FAM120A: variants seen among roughly 807,000 people sequenced by gnomAD.
FAM120A encodes family with sequence similarity 120 member A.
Under a neutral mutation model 109.7 loss-of-function variants are expected in FAM120A, and 15 were observed. That is an observed-to-expected ratio of 0.14 (90% CI 0.09 to 0.21). The LOEUF (loss-of-function observed/expected upper bound fraction) is 0.21. Among genes scored for constraint, FAM120A ranks in the 10% least tolerant of loss-of-function variants. The pLI is 1.00. For synonymous variants in FAM120A, 493 were observed against 572.8 expected, an observed-to-expected ratio of 0.86 and a Z score of 1.99; for missense variants, 899 against 1,439.3, an observed-to-expected ratio of 0.62 and a Z score of 6.07.
chr9:93,508,836 T>C (rs1033979584), intron 5 of FAM120A, among the ~76,000 whole-genome samples: 8 of 152,150 alleles, frequency 5.3e-5, no homozygotes, highest in African/African-American at 1.9e-4. Context: ...CAATAGATAG[T>C]GTTAACAGTT....
chr9:93,531,915 G>C (rs1016646423), intron 9 of FAM120A, among the ~76,000 whole-genome samples: 1 of 152,122 alleles, frequency 6.6e-6, no homozygotes, highest in African/African-American at 2.4e-5. Flanking sequence ...TTTTGTTCTT[G>C]GTTTTGGATT....
chr9:93,532,066 A>G lies in FAM120A; in HGVS notation c.1735-89A>G. 8.3e-7 allele frequency: 1 copy of G among 1,210,894 alleles called. No individual in the cohort carries two copies. The allele number at this position is 1,210,894 out of a possible 1,614,324, so 75.0% of individuals were successfully genotyped here. ...TTGGAATGGAATTGCAATGTCATTA[A>G]CTGGAGATAATACAGTATATTTCTG... On this transcript the variant is annotated intron_variant, in intron 9 of 17. Coordinates refer to ENST00000277165, the MANE Select transcript of FAM120A (RefSeq NM_014612.5). This position sits in a 1 kb window ranked among gnomAD's most constrained non-coding sequence, Gnocchi z 4.3.
chr9:93,508,894 T>C (rs1860189554), intron 5 of FAM120A, among the ~76,000 whole-genome samples: 1 of 152,184 alleles, frequency 6.6e-6, no homozygotes, highest in South Asian at 2.1e-4. Context: ...CCCCCCAGAA[T>C]CTGAGAACAT....
rs1336162712 is a variant in FAM120A, at chr9:93,565,258, A to G, written c.*718A>G. On this transcript the variant is annotated 3_prime_UTR_variant, in exon 18 of 18. Transcript: ENST00000277165. ...CACAATGTGTTCTGAAACTTTCGTGACTAATACCATGCATCTGTGATCAAT... is the reference window on the plus strand; with the variant it reads ...CACAATGTGTTCTGAAACTTTCGTGGCTAATACCATGCATCTGTGATCAAT... The G allele has an allele frequency of 6.5e-6, 1 of 152,692 alleles. No individual in the cohort carries two copies. Among genetic ancestry groups the G allele is most frequent in the Non-Finnish European group, 1.5e-5 (1 of 68,050 alleles). 9.5% of individuals were successfully genotyped at this position (152,692 alleles called of 1,614,324 possible). A position where few individuals can be genotyped will look rare whatever the true frequency, so the allele number is the denominator to read the frequency against.
chr9:93,525,738 G>A (rs1274405599), intron 7 of FAM120A, among the ~76,000 whole-genome samples: 2 of 81,138 alleles, frequency 2.5e-5, no homozygotes, highest in Non-Finnish European at 6.9e-5. Flanking sequence ...CTACACTCTG[G>A]GGATGCCTGC....
At chr9:93,492,712 C>T (rs1171194689) in intron 3 of FAM120A, among the ~76,000 whole-genome samples, 3 of 150,110 alleles carry the variant, frequency 2.0e-5, no homozygotes, top group South Asian at 4.6e-4. Context: ...GCATGGTCAG[C>T]AAATTATAAA....
At chr9:93,467,866 T>G (rs1226443067) in intron 1 of FAM120A, among the ~76,000 whole-genome samples, 8 of 151,946 alleles carry the variant, frequency 5.3e-5, no homozygotes, top group Non-Finnish European at 1.2e-4. Flanking sequence ...CCACCTTTGT[T>G]TTTTTGTATT....
At chr9:93,512,332 G>GT (rs1860359644) in intron 5 of FAM120A, among the ~76,000 whole-genome samples, 2 of 152,156 alleles carry the variant, frequency 1.3e-5, no homozygotes, top group South Asian at 4.1e-4. Context: ...GCATATAGGC[G>GT]TAAGTGAGTC....
At chr9:93,463,379 A>G (rs1019693394) in intron 1 of FAM120A, among the ~76,000 whole-genome samples, 17 of 152,330 alleles carry the variant, frequency 1.1e-4, no homozygotes, top group African/African-American at 4.1e-4. Flanking sequence ...TAAATGAGAT[A>G]TATAAGATAA....
intron 3 of FAM120A, among the ~76,000 whole-genome samples, chr9:93,484,345 A>G (rs918917415): frequency 6.6e-6 from 1 of 152,098 alleles, no homozygotes; most frequent in East Asian, 1.9e-4. Flanking sequence ...GGCTCCTCCC[A>G]TGGAGTGAGT....
At chr9:93,508,009 G>A (rs1268360054) in intron 5 of FAM120A, among the ~76,000 whole-genome samples, 1 of 152,076 alleles carries the variant, frequency 6.6e-6, no homozygotes, top group East Asian at 1.9e-4. Flanking sequence ...TGAGAGAGAG[G>A]GGTTAAAGAT....
chr9:93,514,853 G>T (rs184768583), intron 5 of FAM120A, among the ~76,000 whole-genome samples: 37 of 152,372 alleles, frequency 2.4e-4, no homozygotes, highest in Admixed American at 7.8e-4. Flanking sequence ...GCCGCGCGAG[G>T]CCAGAGGTTG....
At chr9:93,465,582 T>A (rs889445056) in intron 1 of FAM120A, among the ~76,000 whole-genome samples, 1 of 152,194 alleles carries the variant, frequency 6.6e-6, no homozygotes, top group Admixed American at 6.5e-5. Flanking sequence ...TCTTTTTTTT[T>A]AGAAAAATAA....
chr9:93,467,265 C>T (rs1169828159), intron 1 of FAM120A, among the ~76,000 whole-genome samples: 1 of 129,626 alleles, frequency 7.7e-6, no homozygotes, highest in African/African-American at 2.8e-5. Flanking sequence ...CCCCTTTTCC[C>T]CCATTGAATA....
chr9:93,544,913 C>A (rs1305878910), intron 11 of FAM120A, among the ~76,000 whole-genome samples: 1 of 152,164 alleles, frequency 6.6e-6, no homozygotes, highest in Non-Finnish European at 1.5e-5. Flanking sequence ...AACCGTCTCA[C>A]ATGGAAGTGC....
At chr9:93,514,721 C>T (rs1042059160) in intron 5 of FAM120A, among the ~76,000 whole-genome samples, 11 of 152,180 alleles carry the variant, frequency 7.2e-5, no homozygotes, top group African/African-American at 2.4e-4. Flanking sequence ...GGGCCCCAGT[C>T]GGTCCTTGTT....
chr9:93,479,133 C>G (rs957079888), intron 3 of FAM120A, among the ~76,000 whole-genome samples: 2 of 114,916 alleles, frequency 1.7e-5, no homozygotes, highest in Non-Finnish European at 3.2e-5. Flanking sequence ...GAGTCTCGCT[C>G]TGTCGCCCAG....
chr9:93,518,859 C>T (rs1007935260), intron 7 of FAM120A, among the ~76,000 whole-genome samples: 15 of 152,198 alleles, frequency 9.9e-5, no homozygotes, highest in Admixed American at 2.6e-4. Context: ...GCCCACGGGC[C>T]GCACGCAGCA....
At chr9:93,512,462 T>C (rs1588864325) in intron 5 of FAM120A, among the ~76,000 whole-genome samples, 1 of 152,374 alleles carries the variant, frequency 6.6e-6, no homozygotes, top group African/African-American at 2.4e-5. Context: ...TTTTTAAAGT[T>C]ACGAAATATT....
Sources: allele counts gnomAD v4.1 joint callset (sites outside exome capture counted in the v4.1 genomes callset), GRCh38; gene constraint gnomAD v4.1.1; non-coding constraint Gnocchi (gnomAD v3.1); transcripts MANE v1.5; gene names NCBI Gene and HGNC (gene_info 2026-07-23, HGNC 2026-07-21).